Variants in SLC2A10 observed in about 807,000 individuals in gnomAD.
SLC2A10 encodes solute carrier family 2, facilitated glucose transporter member 10.
In SLC2A10, 25 loss-of-function variants were observed where a neutral mutation model predicts 32.1. The ratio of observed to expected loss-of-function variants is 0.78; its 90% CI spans 0.57 to 1.09. The LOEUF is 1.09. Among genes scored for constraint, SLC2A10 ranks in the 50% least tolerant of loss-of-function variants. The pLI, the probability that SLC2A10 is intolerant of heterozygous loss-of-function variation, is 0.00. For synonymous variants in SLC2A10, 332 were observed against 309.6 expected, an observed-to-expected ratio of 1.07 and a Z score of -0.76; for missense variants, 673 against 686.5, an observed-to-expected ratio of 0.98 and a Z score of 0.22.
intron 3 of SLC2A10, 42 bp from the exon 4 acceptor site, chr20:46,729,311 G>C: frequency 6.2e-7 from 1 of 1,612,378 alleles, no homozygotes. Flanking sequence ...CGGGGCCAGA[G>C]TGCTTGGTCC....
chr20:46,709,714 C>T lies in SLC2A10; in HGVS notation c.-23C>T, dbSNP rs1978790804. 2 of 1,542,260 alleles carry T rather than the reference C, an allele frequency of 1.3e-6. No homozygotes were observed. Among genetic ancestry groups the T allele is most frequent in the African/African-American group, 1.4e-5 (1 of 71,864 alleles). On this transcript the variant is annotated 5_prime_UTR_variant, in exon 1 of 5. Transcript: ENST00000359271. ...GCGCCCGGCCCCTCAGCGCCCCCAG[C>T]ACGCCGCCGAGTCCCGCTCGCCATG...
In SLC2A10 at chr20:46,725,981, C is replaced by T; in HGVS notation, c.945C>T (p.Gly315=). 2 of 1,613,882 alleles carry T rather than the reference C, an allele frequency of 1.2e-6. No individual in the cohort carries two copies. Among genetic ancestry groups the T allele is most frequent in the Non-Finnish European group, 1.7e-6 (2 of 1,180,036 alleles). ...ALMALSVSGI[G]LVSFAVPMDS... The stretch of plus-strand genomic sequence containing the variant: ...TGGCCCTGTCCGTCAGTGGCATAGG[C>T]CTCGTCAGCTTTGCCGTGCCCATGG... Residue 315 remains glycine, a synonymous_variant, in exon 2 of 5, where the codon GGC becomes GGT. Transcript: ENST00000359271.
chr20:46,715,558 A>G (rs1374307775), intron 1 of SLC2A10, among the ~76,000 whole-genome samples: 1 of 152,198 alleles, frequency 6.6e-6, no homozygotes, highest in African/African-American at 2.4e-5. Flanking sequence ...AACAGGAAGG[A>G]CAGGCCAGCC....
intron 1 of SLC2A10, among the ~76,000 whole-genome samples, chr20:46,724,788 G>A (rs1979761887): frequency 6.7e-6 from 1 of 150,072 alleles, no homozygotes. Flanking sequence ...TGATGGAGTG[G>A]ATGGATGGAC....
chr20:46,712,524 A>G lies in SLC2A10; in HGVS notation c.4+2784A>G, dbSNP rs367625816. On this transcript the variant is annotated intron_variant, in intron 1 of 4. Coordinates refer to ENST00000359271, the MANE Select transcript of SLC2A10 (RefSeq NM_030777.4). ...GTGTGGGACATCTTCACTACAGCCTATGTTAGGCAGGTTATTAATAGAAAG... is the reference window on the plus strand; with the variant it reads ...GTGTGGGACATCTTCACTACAGCCTGTGTTAGGCAGGTTATTAATAGAAAG... Among the ~76,000 whole-genome samples the G allele has an allele frequency of 1.4e-4, 21 of 152,078 alleles. No homozygotes were observed. The East Asian group carries it at 1.9e-3, about 14-fold the overall frequency.
intron 1 of SLC2A10, among the ~76,000 whole-genome samples, chr20:46,723,484 A>G (rs535213479): frequency 4.6e-5 from 7 of 152,154 alleles, no homozygotes; most frequent in Non-Finnish European, 1.0e-4. Context: ...GGCCACATTC[A>G]CCTCATTTAG....
intron 1 of SLC2A10, among the ~76,000 whole-genome samples, chr20:46,716,405 A>G (rs1371022247): frequency 1.3e-5 from 2 of 152,108 alleles, no homozygotes; most frequent in Non-Finnish European, 2.9e-5. Context: ...CGCCCGCCTC[A>G]GCCTCCCAAA....
At position 46,735,768 on chromosome 20, in the gene SLC2A10, T is replaced by A. The variant is rs1031394277; in HGVS notation, c.*1934T>A. 6.6e-6 allele frequency: 1 copy of A among 152,264 alleles called. No homozygotes were observed. The highest frequency in any genetic ancestry group is 1.5e-5 in the Non-Finnish European group (1 of 68,056). The allele number at this position is 152,264 out of a possible 1,614,324, so 9.4% of individuals were successfully genotyped here. Reference sequence around the variant, plus strand: ...AATTAAACTTTAAAGTATGTCTTGTTTGTAGCCAATACATGGTGTATAGCA... The same window carrying A: ...AATTAAACTTTAAAGTATGTCTTGTATGTAGCCAATACATGGTGTATAGCA... On this transcript the variant is annotated 3_prime_UTR_variant, in exon 5 of 5. Transcript: ENST00000359271.
intron 1 of SLC2A10, among the ~76,000 whole-genome samples, chr20:46,718,737 TTTC>T: frequency 6.6e-6 from 1 of 152,228 alleles, no homozygotes; most frequent in South Asian, 2.1e-4. Flanking sequence ...TTCTATTTTG[TTTC>T]TTCTTTATGC....
intron 4 of SLC2A10, among the ~76,000 whole-genome samples, chr20:46,729,925 C>T (rs6018001): frequency 6.6e-6 from 1 of 152,064 alleles, no homozygotes; most frequent in East Asian, 1.9e-4. Flanking sequence ...CCACCGCGCC[C>T]GGCCGGCACT....
At chr20:46,719,521 G>C (rs998206327) in intron 1 of SLC2A10, among the ~76,000 whole-genome samples, 1 of 152,182 alleles carries the variant, frequency 6.6e-6, no homozygotes, top group Non-Finnish European at 1.5e-5. Context: ...AAAGCCACGT[G>C]AAAGGGATTC....
Position 46,726,242 on chromosome 20 carries a change from TC to T in SLC2A10, c.1207del (p.Arg403GlyfsTer14). 4 of 1,613,774 alleles carry T rather than the reference TC, an allele frequency of 2.5e-6. No individual in the cohort carries two copies. Among genetic ancestry groups the T allele is most frequent in the Non-Finnish European group, 2.5e-6 (3 of 1,180,034 alleles). On this transcript the variant is annotated frameshift_variant, in exon 2 of 5. Transcript: ENST00000359271. LOFTEE classifies it high-confidence loss of function. The part of the protein sequence containing the change: ...SALPGPPLPA[R>X]GHALLRWTAL... ...CCCTCCCTGGGCCCCCTCTGCCCGC[TC>T]GGGGGCATGCACTGCTGCGCTGGAC...
upstream of SLC2A10, among the ~76,000 whole-genome samples, chr20:46,708,470 C>A (rs1978716652): frequency 6.6e-6 from 1 of 152,188 alleles, no homozygotes. Context: ...CACGTGGATG[C>A]CTGCTGAGCA....
In SLC2A10 at chr20:46,725,437, T is replaced by G; in HGVS notation, c.401T>G (p.Val134Gly). The G allele has an allele frequency of 6.2e-7, 1 of 1,613,896 alleles. No homozygotes were observed. The highest frequency in any genetic ancestry group is 1.1e-5 in the South Asian group (1 of 91,064). The change falls in exon 2 of 5, where the codon GTG becomes GGG. Residue 134 changes from valine to glycine, a missense_variant. Val to Gly is a moderately radical substitution (Grantham distance 109). Transcript: ENST00000359271. ...CTGGTGGGGCCACGGCAGCGGGGAG[T>G]GCTGGTGTCCCTCTATGAGGCAGGC... ...SELVGPRQRG[V>G]LVSLYEAGIT... is the part of the protein sequence containing the mutation.
At chr20:46,713,373 G>T (rs146970620) in intron 1 of SLC2A10, among the ~76,000 whole-genome samples, 75 of 152,174 alleles carry the variant, frequency 4.9e-4, no homozygotes, top group African/African-American at 1.7e-3. Flanking sequence ...CAGCCTCACC[G>T]AGAAGGGGAT....
intron 2 of SLC2A10, 75 bp downstream of exon 2, chr20:46,726,399 C>A (rs936188653): frequency 5.8e-6 from 9 of 1,562,214 alleles, no homozygotes; most frequent in East Asian, 2.3e-5. Flanking sequence ...ACTTCCCACC[C>A]TGATGACCTG....
chr20:46,720,335 G>T (rs1228012212), intron 1 of SLC2A10, among the ~76,000 whole-genome samples: 1 of 152,156 alleles, frequency 6.6e-6, no homozygotes, highest in Non-Finnish European at 1.5e-5. Context: ...ACAAAACAAA[G>T]CAAGACAAAA....
At chr20:46,719,023 C>A (rs1004635825) in intron 1 of SLC2A10, among the ~76,000 whole-genome samples, 10 of 152,236 alleles carry the variant, frequency 6.6e-5, no homozygotes, top group Admixed American at 3.3e-4. Flanking sequence ...CTCAAGTGAT[C>A]CTCCTGCTTT....
In SLC2A10 at chr20:46,717,135, C is replaced by T. The variant is rs568813188; in HGVS notation, c.4+7395C>T. 2.6e-4 allele frequency among the ~76,000 whole-genome samples: 39 copies of T among 152,272 alleles called. 2 individuals are homozygous for T. In the South Asian group the frequency reaches 7.3e-3, roughly 28 times the overall value. On this transcript the variant is annotated intron_variant, in intron 1 of 4. Transcript: ENST00000359271. The stretch of plus-strand genomic sequence containing the variant: ...TTGCACAGCATGGTTATAGAAATTT[C>T]TGTCATTGCAGAAAATGCTGTCAGA...
Sources: gnomAD v4.1 joint callset for allele counts (sites outside exome capture counted in the v4.1 genomes callset) on GRCh38, gnomAD v4.1.1 for gene constraint, MANE v1.5 for transcripts, NCBI Gene and HGNC (gene_info 2026-07-23, HGNC 2026-07-21) for gene names.